UBE2E2: variants seen among roughly 807,000 people sequenced by gnomAD.
UBE2E2 encodes the protein ubiquitin conjugating enzyme E2 E2.
UBE2E2 carries 6 observed loss-of-function variants against 24.7 expected under a neutral mutation model. That is an observed-to-expected ratio of 0.24 (90% confidence interval 0.13 to 0.48). The LOEUF is 0.48. UBE2E2 is among the 20% of genes least tolerant of loss of function. The probability of loss-of-function intolerance (pLI) is 0.99; values close to 1 mark genes in which losing one functional copy is unlikely to be tolerated. For synonymous variants in UBE2E2, 104 were observed against 83.6 expected (o/e 1.24, Z -1.33); for missense variants, 169 against 245.0 (o/e 0.69, Z 2.07).
intron 4 of UBE2E2, among the ~76,000 whole-genome samples, chr3:23,515,280 CAATG>C (rs1042389319): frequency 9.2e-5 from 14 of 152,000 alleles, no homozygotes; most frequent in Admixed American, 9.2e-4. Context: ...AGTTGAAAAA[CAATG>C]AAAAGCAAAG....
intron 3 of UBE2E2, among the ~76,000 whole-genome samples, chr3:23,485,550 A>C (rs1364857531): frequency 2.6e-5 from 4 of 152,138 alleles, no homozygotes; most frequent in Admixed American, 6.5e-5. Context: ...AACAAACAAA[A>C]AAAAAACCTC....
chr3:23,257,110 G>A (rs148802620), intron 3 of UBE2E2, among the ~76,000 whole-genome samples: 1 of 152,204 alleles, frequency 6.6e-6, no homozygotes, highest in Non-Finnish European at 1.5e-5. Context: ...TGTAGCTTGT[G>A]GGAGAAGCTA....
At chr3:23,278,178 A>G (rs1698410954) in intron 3 of UBE2E2, among the ~76,000 whole-genome samples, 1 of 152,118 alleles carries the variant, frequency 6.6e-6, no homozygotes, top group Non-Finnish European at 1.5e-5. Flanking sequence ...ACACTCATCA[A>G]AGTATACTTA....
chr3:23,573,789 TG>T (rs1196957697), intron 5 of UBE2E2, among the ~76,000 whole-genome samples: 1 of 152,170 alleles, frequency 6.6e-6, no homozygotes, highest in African/African-American at 2.4e-5. Flanking sequence ...GTGGATTTTG[TG>T]GGCAATGTAC....
At chr3:23,355,776 T>G (rs1695927749) in intron 3 of UBE2E2, among the ~76,000 whole-genome samples, 1 of 152,206 alleles carries the variant, frequency 6.6e-6, no homozygotes, top group African/African-American at 2.4e-5. Context: ...CATTCCTCCT[T>G]TTTCTATAAC....
chr3:23,521,518 A>G (rs1694867124), intron 4 of UBE2E2, among the ~76,000 whole-genome samples: 1 of 152,214 alleles, frequency 6.6e-6, no homozygotes, highest in Non-Finnish European at 1.5e-5. Context: ...GTACTAATTG[A>G]TAAATAAGTG....
At chr3:23,448,338 T>C (rs1039290364) in intron 3 of UBE2E2, among the ~76,000 whole-genome samples, 10 of 152,360 alleles carry the variant, frequency 6.6e-5, no homozygotes, top group Non-Finnish European at 1.5e-4. Context: ...TGGCAATGTT[T>C]TTGTTTGACC....
intron 3 of UBE2E2, among the ~76,000 whole-genome samples, chr3:23,442,520 G>C (rs1698331225): frequency 1.3e-5 from 2 of 152,136 alleles, no homozygotes; most frequent in Admixed American, 6.5e-5. Flanking sequence ...GTGTAAGGAA[G>C]AAAGTCTTAC....
intron 3 of UBE2E2, among the ~76,000 whole-genome samples, chr3:23,364,007 A>G (rs1696195258): frequency 1.3e-5 from 2 of 152,186 alleles, no homozygotes; most frequent in African/African-American, 4.8e-5. Context: ...AAAGCATACA[A>G]TTACATGGAA....
intron 3 of UBE2E2, among the ~76,000 whole-genome samples, chr3:23,273,380 A>G (rs1461795342): frequency 1.3e-5 from 2 of 152,142 alleles, no homozygotes; most frequent in Non-Finnish European, 2.9e-5. Context: ...ACAAAAAAAA[A>G]ATTAGCCGGG....
intron 3 of UBE2E2, among the ~76,000 whole-genome samples, chr3:23,316,229 C>A (rs1173528842): frequency 6.6e-6 from 1 of 152,056 alleles, no homozygotes; most frequent in Non-Finnish European, 1.5e-5. Context: ...CTGTATGGGT[C>A]CAGAAGTGCC....
intron 5 of UBE2E2, among the ~76,000 whole-genome samples, chr3:23,541,427 T>C (rs1178152741): frequency 1.3e-5 from 2 of 152,220 alleles, no homozygotes; most frequent in African/African-American, 4.8e-5. Context: ...ATTTGTTCTT[T>C]AGTAGATCCT....
chr3:23,532,312 G>A (rs1228195974), intron 4 of UBE2E2, among the ~76,000 whole-genome samples: 3 of 152,114 alleles, frequency 2.0e-5, no homozygotes, highest in Non-Finnish European at 4.4e-5. Context: ...CTCTTTATAA[G>A]AAGCAGAATG....
chr3:23,310,604 C>T (rs1236919125), intron 3 of UBE2E2, among the ~76,000 whole-genome samples: 1 of 152,102 alleles, frequency 6.6e-6, no homozygotes, highest in East Asian at 1.9e-4. Flanking sequence ...TAACCTTGAG[C>T]CGGGCATTAT....
At chr3:23,554,449 A>C (rs1452233029) in intron 5 of UBE2E2, among the ~76,000 whole-genome samples, 2 of 152,178 alleles carry the variant, frequency 1.3e-5, no homozygotes, top group Non-Finnish European at 2.9e-5. Context: ...CAGGAGTTAG[A>C]GGTCACAGTG....
At chr3:23,439,391 AC>A (rs1473444062) in intron 3 of UBE2E2, among the ~76,000 whole-genome samples, 4 of 152,180 alleles carry the variant, frequency 2.6e-5, no homozygotes, top group Non-Finnish European at 5.9e-5. Context: ...ATACTGTCAA[AC>A]TCAGAGGCAC....
intron 2 of UBE2E2, among the ~76,000 whole-genome samples, chr3:23,210,421 C>T (rs755473242): frequency 6.6e-6 from 1 of 152,132 alleles, no homozygotes; most frequent in Non-Finnish European, 1.5e-5. Flanking sequence ...ACTGGGAGCA[C>T]CACTATAAAA....
chr3:23,242,644 G>A (rs1697288218), intron 3 of UBE2E2, among the ~76,000 whole-genome samples: 3 of 152,022 alleles, frequency 2.0e-5, no homozygotes, highest in South Asian at 4.2e-4. Context: ...TTGTTATATT[G>A]AAAAGTGAAG....
intron 3 of UBE2E2, among the ~76,000 whole-genome samples, chr3:23,461,372 T>C (rs1258126656): frequency 6.6e-6 from 1 of 152,096 alleles, no homozygotes; most frequent in East Asian, 1.9e-4. Context: ...GTTTATTAAA[T>C]TAAAACTGAC....
Sources: allele counts gnomAD v4.1 joint callset (sites outside exome capture counted in the v4.1 genomes callset), GRCh38; gene constraint gnomAD v4.1.1; transcripts MANE v1.5; gene names NCBI Gene and HGNC (gene_info 2026-07-23, HGNC 2026-07-21).